Variants in LRFN5 observed in about 807,000 individuals in gnomAD.
LRFN5 encodes leucine-rich repeat and fibronectin type-III domain-containing protein 5.
Under a neutral mutation model 45.6 loss-of-function variants are expected in LRFN5, and 24 were observed. That is an observed-to-expected ratio of 0.53 (90% confidence interval 0.38 to 0.74). The LOEUF (loss-of-function observed/expected upper bound fraction) is 0.74, where lower values mean the gene tolerates loss of function less well. LRFN5 is among the 30% of genes least tolerant of loss of function. The pLI is 0.00. For synonymous variants in LRFN5, 340 were observed against 313.8 expected (o/e 1.08, Z -0.88); for missense variants, 776 against 861.5 (o/e 0.90, Z 1.24).
Position 41,620,569 on chromosome 14 carries a change from G to C in LRFN5, c.-197+12007G>C, listed in dbSNP as rs572263269. ...ATCTTATAGTAGCTTAGACTAATTT[G>C]TGTAACTTTTTTCCCACTGATGTCT... On this transcript the variant is annotated intron_variant, in intron 1 of 5. Coordinates refer to ENST00000298119, the MANE Select transcript of LRFN5 (RefSeq NM_152447.5). Among the ~76,000 whole-genome samples, 7 of 152,064 alleles carry C rather than the reference G, an allele frequency of 4.6e-5. No homozygotes were observed. In the South Asian group the frequency reaches 1.5e-3, roughly 32 times the overall value.
intron 1 of LRFN5, chr14:41,733,632 GGTAA>G (rs1249867594): frequency 3.9e-5 from 6 of 151,976 alleles, no homozygotes; most frequent in Non-Finnish European, 7.4e-5. Flanking sequence ...TCTCAGTAAA[GGTAA>G]GTAAGTATGT....
At chr14:41,772,598 A>G (rs376140121) in intron 2 of LRFN5, among the ~76,000 whole-genome samples, 77 of 152,340 alleles carry the variant, frequency 5.1e-4, no homozygotes, top group African/African-American at 1.7e-3. Flanking sequence ...ACAATAAAAA[A>G]TTCTTTATAA....
chr14:41,888,074 C>T, intron 3 of LRFN5, 64 bp downstream of exon 3: 3 of 1,305,568 alleles, frequency 2.3e-6, no homozygotes, highest in East Asian at 2.3e-5. Flanking sequence ...TGTTAATGTA[C>T]TACTGATTTT....
At chr14:41,704,900 T>C (rs1417772320) in intron 1 of LRFN5, among the ~76,000 whole-genome samples, 1 of 152,146 alleles carries the variant, frequency 6.6e-6, no homozygotes, top group Non-Finnish European at 1.5e-5. Flanking sequence ...GCAATTAGGT[T>C]TCTGGATTCT....
At chr14:41,754,022 C>T (rs1359375685) in intron 1 of LRFN5, among the ~76,000 whole-genome samples, 1 of 152,132 alleles carries the variant, frequency 6.6e-6, no homozygotes, top group Non-Finnish European at 1.5e-5. Context: ...TTGAGATAAA[C>T]ATGTGGTTTC....
chr14:41,652,786 A>G (rs1452969313), intron 1 of LRFN5, among the ~76,000 whole-genome samples: 1 of 152,182 alleles, frequency 6.6e-6, no homozygotes, highest in Non-Finnish European at 1.5e-5. Flanking sequence ...TCAACAGTGT[A>G]TAAGCATTCC....
rs1442543853 is a variant in LRFN5 at position 41,774,347 on chromosome 14, AT to A, written c.-21+7321del. Among the ~76,000 whole-genome samples, 20 of 152,322 alleles carry A rather than the reference AT, an allele frequency of 1.3e-4. 2 individuals are homozygous for A. In the South Asian group the frequency reaches 3.9e-3, roughly 30 times the overall value. ...TATTTTAACACATATTAAACTTAGAATTTCTGTGTAAACTGAGGCATCTCTT... is the reference window on the plus strand; with the variant it reads ...TATTTTAACACATATTAAACTTAGAATTCTGTGTAAACTGAGGCATCTCTT... On this transcript the variant is annotated intron_variant, in intron 2 of 5. Transcript: ENST00000298119.
intron 1 of LRFN5, among the ~76,000 whole-genome samples, chr14:41,690,217 A>AG (rs1882316450): frequency 6.6e-6 from 1 of 152,004 alleles, no homozygotes; most frequent in African/African-American, 2.4e-5. Context: ...ATTAAAAGAA[A>AG]AAAAAGGCCA....
chr14:41,846,365 C>T (rs1205865866), intron 2 of LRFN5, among the ~76,000 whole-genome samples: 1 of 151,958 alleles, frequency 6.6e-6, no homozygotes, highest in Non-Finnish European at 1.5e-5. Context: ...GAAAAAGACT[C>T]CAACAATAGA....
chr14:41,768,739 C>G (rs903282117), intron 2 of LRFN5, among the ~76,000 whole-genome samples: 7 of 152,050 alleles, frequency 4.6e-5, no homozygotes, highest in African/African-American at 1.4e-4. Flanking sequence ...TTTCCACTGG[C>G]AAGACTTTTT....
At chr14:41,849,631 C>T (rs1165949379) in intron 2 of LRFN5, among the ~76,000 whole-genome samples, 1 of 151,946 alleles carries the variant, frequency 6.6e-6, no homozygotes, top group African/African-American at 2.4e-5. Flanking sequence ...CAAACATCAC[C>T]ATATCTGTGA....
intron 1 of LRFN5, among the ~76,000 whole-genome samples, chr14:41,698,375 A>G (rs1380848132): frequency 6.6e-6 from 1 of 152,128 alleles, no homozygotes; most frequent in African/African-American, 2.4e-5. Flanking sequence ...CAGATTTTAC[A>G]TTAAATAATT....
rs561283627 is a variant in LRFN5, at chr14:41,835,896, C to A, written c.-20-50710C>A. On this transcript the variant is annotated intron_variant, in intron 2 of 5. Transcript: ENST00000298119. ...CATGCAAACCAAAAATGATTTTAAT[C>A]AGGATAAAAAGTTTTTCTTTTCTTT... Among the ~76,000 whole-genome samples, 5 of 149,412 alleles carry A rather than the reference C, an allele frequency of 3.3e-5. No homozygotes were observed. The South Asian group carries it at 8.5e-4, about 25-fold the overall frequency.
intron 2 of LRFN5, among the ~76,000 whole-genome samples, chr14:41,801,416 T>C (rs1286959706): frequency 6.6e-6 from 1 of 152,200 alleles, no homozygotes; most frequent in Non-Finnish European, 1.5e-5. Context: ...GAGAGTAATG[T>C]AGAACTTTTA....
At chr14:41,640,324 G>T (rs1879517774) in intron 1 of LRFN5, among the ~76,000 whole-genome samples, 1 of 151,992 alleles carries the variant, frequency 6.6e-6, no homozygotes, top group Non-Finnish European at 1.5e-5. Flanking sequence ...CAAGCCAAGT[G>T]GGGATAAGTT....
intron 1 of LRFN5, among the ~76,000 whole-genome samples, chr14:41,746,871 A>G (rs1221527110): frequency 1.3e-5 from 2 of 152,008 alleles, no homozygotes; most frequent in Non-Finnish European, 2.9e-5. Flanking sequence ...AGCGAATACA[A>G]TGTTAACACA....
intron 4 of LRFN5, among the ~76,000 whole-genome samples, chr14:41,898,084 G>C (rs1398100874): frequency 6.6e-6 from 1 of 151,722 alleles, no homozygotes. Flanking sequence ...AATCTCCAAA[G>C]ACCATTGTAT....
intron 2 of LRFN5, among the ~76,000 whole-genome samples, chr14:41,810,063 A>C (rs1199660894): frequency 6.6e-6 from 1 of 152,076 alleles, no homozygotes; most frequent in Non-Finnish European, 1.5e-5. Flanking sequence ...TTTAATAATA[A>C]AAATTAACAT....
chr14:41,830,249 T>C (rs1255810910), intron 2 of LRFN5, among the ~76,000 whole-genome samples: 2 of 151,932 alleles, frequency 1.3e-5, no homozygotes, highest in Non-Finnish European at 2.9e-5. Context: ...TTTTTTATTG[T>C]TGTTTTTGAT....
Sources: allele counts gnomAD v4.1 joint callset (sites outside exome capture counted in the v4.1 genomes callset), GRCh38; gene constraint gnomAD v4.1.1; transcripts MANE v1.5; gene names NCBI Gene and HGNC (gene_info 2026-07-23, HGNC 2026-07-21).